BCL2L1: variants seen among roughly 807,000 people sequenced by gnomAD.
BCL2L1 encodes bcl-2-like protein 1.
BCL2L1 carries 1 observed loss-of-function variant against 18.7 expected under a neutral mutation model. The observed-to-expected ratio is 0.05, with a 90% CI of 0.02 to 0.25. The LOEUF is 0.25. Ranked by LOEUF, BCL2L1 falls within the 10% of genes least tolerant of loss-of-function variation. The pLI is 1.00. For synonymous variants in BCL2L1, 103 were observed against 122.7 expected, an observed-to-expected ratio of 0.84 and a Z score of 1.06; for missense variants, 207 against 304.9, an observed-to-expected ratio of 0.68 and a Z score of 2.39.
intron 2 of BCL2L1, among the ~76,000 whole-genome samples, chr20:31,673,124 T>G (rs2060699186): frequency 6.8e-6 from 1 of 146,518 alleles, no homozygotes; most frequent in African/African-American, 2.5e-5. Flanking sequence ...CAGGCTGGAG[T>G]GCAGTGGCAT....
intron 2 of BCL2L1, among the ~76,000 whole-genome samples, chr20:31,698,536 G>A (rs1052983920): frequency 2.6e-5 from 4 of 151,690 alleles, no homozygotes; most frequent in Non-Finnish European, 2.9e-5. Flanking sequence ...GGACCCAGTC[G>A]ATTTTCCTTC....
chr20:31,672,186 C>T (rs1194138980), intron 2 of BCL2L1, among the ~76,000 whole-genome samples: 2 of 151,518 alleles, frequency 1.3e-5, no homozygotes, highest in Non-Finnish European at 2.9e-5. Context: ...CTGGGGGAGC[C>T]GGGCACAATG....
intron 2 of BCL2L1, among the ~76,000 whole-genome samples, chr20:31,678,519 CA>C (rs1285735963): frequency 6.6e-6 from 1 of 152,184 alleles, no homozygotes; most frequent in African/African-American, 2.4e-5. Flanking sequence ...TTCTCTCTCT[CA>C]GGGGTATCCA....
chr20:31,705,514 C>T (rs2061358176), intron 2 of BCL2L1, among the ~76,000 whole-genome samples: 1 of 152,140 alleles, frequency 6.6e-6, no homozygotes, highest in Admixed American at 6.5e-5. Flanking sequence ...ACAAAATGAT[C>T]CCCTTTTCAT....
At chr20:31,670,284 T>A (rs2060647910) in intron 2 of BCL2L1, among the ~76,000 whole-genome samples, 1 of 152,088 alleles carries the variant, frequency 6.6e-6, no homozygotes, top group African/African-American at 2.4e-5. Context: ...TACACCCAGG[T>A]GGAGTCACAA....
upstream of BCL2L1, chr20:31,723,227 T>TC (rs1482924851): frequency 1.1e-5 from 11 of 960,668 alleles, no homozygotes; most frequent in Non-Finnish European, 1.4e-5. Context: ...TGCTCTGAAT[T>TC]CCCCAAAGGC....
intron 2 of BCL2L1, among the ~76,000 whole-genome samples, chr20:31,718,214 C>T (rs910304230): frequency 2.6e-4 from 39 of 152,126 alleles, no homozygotes; most frequent in Non-Finnish European, 4.1e-4. Flanking sequence ...TGACTCCAGG[C>T]AGGCAGTAAT....
upstream of BCL2L1, chr20:31,722,898 C>G (rs1600331304): frequency 6.6e-6 from 1 of 152,512 alleles, no homozygotes; most frequent in African/African-American, 2.4e-5. Flanking sequence ...CGGCCTCCTG[C>G]CACCCGGGAG....
At chr20:31,707,707 G>A (rs1202456738) in intron 2 of BCL2L1, among the ~76,000 whole-genome samples, 1 of 151,732 alleles carries the variant, frequency 6.6e-6, no homozygotes, top group African/African-American at 2.4e-5. Context: ...GAACCTGGGA[G>A]GCGAAGGTTG....
intron 2 of BCL2L1, among the ~76,000 whole-genome samples, chr20:31,699,842 G>A (rs982529178): frequency 1.3e-5 from 2 of 152,230 alleles, no homozygotes; most frequent in Non-Finnish European, 2.9e-5. Flanking sequence ...TGCATGTAGA[G>A]TACCTGACAT....
At chr20:31,707,954 G>A (rs114799921) in intron 2 of BCL2L1, among the ~76,000 whole-genome samples, 2 of 152,074 alleles carry the variant, frequency 1.3e-5, no homozygotes, top group Admixed American at 6.5e-5. Context: ...TCTTAACAAC[G>A]ATGGAATTTC....
upstream of BCL2L1, chr20:31,723,231 C>G: frequency 1.0e-6 from 1 of 969,230 alleles, no homozygotes. Context: ...CTGAATTCCC[C>G]AAAGGCCCAG....
chr20:31,678,388 A>T (rs529463047), intron 2 of BCL2L1, among the ~76,000 whole-genome samples: 2 of 152,192 alleles, frequency 1.3e-5, no homozygotes, highest in East Asian at 3.9e-4. Flanking sequence ...AGACTCTGGG[A>T]AAGTATGGGC....
intron 2 of BCL2L1, among the ~76,000 whole-genome samples, chr20:31,672,800 T>C (rs532720627): frequency 4.7e-4 from 71 of 152,102 alleles, no homozygotes; most frequent in South Asian, 2.1e-3. Flanking sequence ...GGCTGAAGTA[T>C]AGTCCCTACT....
chr20:31,695,352 C>T (rs1288382693), intron 2 of BCL2L1, among the ~76,000 whole-genome samples: 1 of 152,266 alleles, frequency 6.6e-6, no homozygotes, highest in Admixed American at 6.5e-5. Flanking sequence ...CCTACAAGAC[C>T]TGGCCCCTGG....
intron 2 of BCL2L1, among the ~76,000 whole-genome samples, chr20:31,675,628 G>A (rs1285585855): frequency 2.0e-5 from 3 of 152,160 alleles, no homozygotes; most frequent in Non-Finnish European, 2.9e-5. Context: ...GCCTGGAGGT[G>A]GGCAACTTGG....
chr20:31,708,035 G>A (rs1229981020), intron 2 of BCL2L1, among the ~76,000 whole-genome samples: 1 of 152,170 alleles, frequency 6.6e-6, no homozygotes, highest in Middle Eastern at 3.2e-3. Flanking sequence ...GGGGCCTCCA[G>A]AGCCCCCAGA....
At chr20:31,718,874 T>C (rs994814400) in intron 2 of BCL2L1, among the ~76,000 whole-genome samples, 15 of 152,180 alleles carry the variant, frequency 9.9e-5, no homozygotes, top group Admixed American at 9.2e-4. Flanking sequence ...ATGGTTTGCT[T>C]GGCCCAACAG....
chr20:31,687,842 T>C (rs1252010080), intron 2 of BCL2L1, among the ~76,000 whole-genome samples: 3 of 152,158 alleles, frequency 2.0e-5, no homozygotes, highest in African/African-American at 7.2e-5. Context: ...ATTCCTTATC[T>C]GTATTAGACA....
Sources: gnomAD v4.1 joint callset for allele counts (sites outside exome capture counted in the v4.1 genomes callset) on GRCh38, gnomAD v4.1.1 for gene constraint, MANE v1.5 for transcripts, NCBI Gene and HGNC (gene_info 2026-07-23, HGNC 2026-07-21) for gene names.